The following TRMT1 variants were observed in gnomAD, a reference collection of about 807,000 sequenced individuals.
TRMT1 encodes tRNA (guanine(26)-N(2))-dimethyltransferase.
In TRMT1, 63 loss-of-function variants were observed where a neutral mutation model predicts 75.4. The observed-to-expected ratio is 0.84, with a 90% CI of 0.68 to 1.03. The LOEUF is 1.03. TRMT1 is among the 50% of genes least tolerant of loss of function. The probability of loss-of-function intolerance (pLI) is 0.00; values close to 1 mark genes in which losing one functional copy is unlikely to be tolerated. For missense variants in TRMT1, 870 were observed against 905.3 expected (o/e 0.96, Z 0.50); for synonymous variants, 382 against 358.1 (o/e 1.07, Z -0.75).
intron 7 of TRMT1, among the ~76,000 whole-genome samples, chr19:13,112,285 G>A (rs915722367): frequency 2.0e-5 from 3 of 152,050 alleles, no homozygotes; most frequent in East Asian, 1.9e-4. Flanking sequence ...CACTGCGCCC[G>A]GCCTTCAGAC....
chr19:13,109,703 C>T lies in TRMT1; in HGVS notation c.1177-19G>A, dbSNP rs372988767. 1.9e-6 allele frequency: 3 copies of T among 1,613,944 alleles called. No homozygotes were observed. Among genetic ancestry groups the T allele is most frequent in the East Asian group, 2.2e-5 (1 of 44,876 alleles). On this transcript the variant is annotated intron_variant, in intron 10 of 16. Coordinates refer to ENST00000357720, the MANE Select transcript of TRMT1 (RefSeq NM_001136035.4). ...CACCAAGCTGGGGGCGCACCGGGGA[C>T]AGGTGAGCAGGGACTATGACCTTCA...
chr19:13,108,544 C>T (rs1180681998), intron 12 of TRMT1, among the ~76,000 whole-genome samples: 1 of 152,162 alleles, frequency 6.6e-6, no homozygotes, highest in Admixed American at 6.6e-5. Flanking sequence ...TCGCCCGCCT[C>T]AGCCTCCCAA....
In TRMT1 at chr19:13,116,608, G is replaced by C. The variant is rs1416032150; in HGVS notation, c.-33+45C>G. On this transcript the variant is annotated intron_variant, in intron 1 of 16. Transcript: ENST00000357720. Reference sequence around the variant, plus strand: ...GGAGCCGATGCCCTCGTGCAGGCCCGCCCCGAGTCCGAATCCCTCCCCGCG... The same window carrying C: ...GGAGCCGATGCCCTCGTGCAGGCCCCCCCCGAGTCCGAATCCCTCCCCGCG... The C allele has an allele frequency of 7.3e-6, 5 of 688,436 alleles. No individual in the cohort carries two copies. In the East Asian group the frequency reaches 1.4e-4, roughly 19 times the overall value. 42.6% of individuals were successfully genotyped at this position (688,436 alleles called of 1,614,324 possible).
chr19:13,107,980 C>CTT, intron 12 of TRMT1, 121 bp from the exon 13 acceptor site: 2 of 467,836 alleles, frequency 4.3e-6, no homozygotes, highest in South Asian at 3.0e-5. Context: ...CATTTCTTTT[C>CTT]TTTTCTTTTT....
At chr19:13,110,041 C>T (rs1224049960) in intron 8 of TRMT1, 40 bp from the exon 9 acceptor site, 1 of 1,612,364 alleles carries the variant, frequency 6.2e-7, no homozygotes. Context: ...CCAGCGTGAC[C>T]ACGACACCCC....
chr19:13,110,547 G>C (rs2019102244), intron 7 of TRMT1, among the ~76,000 whole-genome samples: 1 of 152,260 alleles, frequency 6.6e-6, no homozygotes, highest in Admixed American at 6.5e-5. Context: ...AAACGAGTGA[G>C]GAAAGCATAG....
chr19:13,115,720 G>C lies in TRMT1; in HGVS notation c.359C>G (p.Ser120Ter), dbSNP rs1013306501. 6.2e-7 allele frequency: 1 copy of C among 1,613,902 alleles called. No individual in the cohort carries two copies. The highest frequency in any genetic ancestry group is 8.5e-7 in the Non-Finnish European group (1 of 1,180,014). ...TTCAACCTTTTCCTCCTCTTGCTCT[G>C]ACAAGTCCACGACCACTTTTTGCGT... is the stretch of plus-strand genomic sequence containing the variant. ...KDTQKVVVDLSEQEEEKVELK... is the reference protein window; with the variant it reads ...KDTQKVVVDL The change falls in exon 4 of 17, where the codon TCA (serine) becomes TGA (stop). Residue 120 changes from serine (S) to a stop codon, truncating the protein, a stop_gained. Transcript: ENST00000357720. LOFTEE classifies it high-confidence loss of function.
At chr19:13,105,645 CTG>C in intron 14 of TRMT1, 39 bp from the exon 15 acceptor site, 2 of 1,582,112 alleles carry the variant, frequency 1.3e-6, no homozygotes, top group Non-Finnish European at 1.7e-6. Context: ...CTGGGGGAAG[CTG>C]CCACACGAGT....
chr19:13,106,481 A>G (rs982749024), intron 14 of TRMT1, among the ~76,000 whole-genome samples: 2 of 151,054 alleles, frequency 1.3e-5, no homozygotes, highest in African/African-American at 4.9e-5. Flanking sequence ...GGTAATGCTA[A>G]TTTTCTTTTC....
At chr19:13,112,634 T>G in intron 7 of TRMT1, 71 bp downstream of exon 7, 1 of 1,439,796 alleles carries the variant, frequency 6.9e-7, no homozygotes, top group Non-Finnish European at 9.6e-7. Context: ...AGGGGGAAAG[T>G]GTATTGGGAA....
At chr19:13,113,476 A>G (rs1290459824) in intron 5 of TRMT1, among the ~76,000 whole-genome samples, 8 of 151,818 alleles carry the variant, frequency 5.3e-5, no homozygotes, top group Admixed American at 2.6e-4. Context: ...GTCATTTATT[A>G]AACTGCACAA....
At position 13,107,606 on chromosome 19, in the gene TRMT1, G is replaced by C; in HGVS notation, c.1551C>G (p.Ser517Arg). 2 of 1,608,598 alleles carry C rather than the reference G, an allele frequency of 1.2e-6. No homozygotes were observed. The highest frequency in any genetic ancestry group is 1.7e-6 in the Non-Finnish European group (2 of 1,177,112). ...CCACACTGAGAATGCGGAACGCTGG[G>C]CTAGTCTCTGATAGTCGCTCCCGTT... ...PVKRERLSET[S>R]PAFRILSVEP... The change falls in exon 14 of 17, where the codon AGC becomes AGG. Residue 517 changes from serine (S) to arginine (R), a missense_variant. Transcript: ENST00000357720.
At chr19:13,115,240 G>A in intron 5 of TRMT1, 39 bp downstream of exon 5, 1 of 1,571,370 alleles carries the variant, frequency 6.4e-7, no homozygotes, top group Non-Finnish European at 8.6e-7. Context: ...ACCCCAGGCA[G>A]GCTTGTCCCA....
Position 13,105,298 on chromosome 19 carries a change from A to G in TRMT1, c.1802T>C (p.Leu601Pro). Residue 601 changes from leucine to proline, a missense_variant, in exon 16 of 17, where the codon CTC (leucine) becomes CCC (proline). Physicochemically the swap from Leu to Pro is moderately conservative, Grantham distance 98. Coordinates refer to ENST00000357720, the MANE Select transcript of TRMT1 (RefSeq NM_001136035.4). ...AAACCTCTTGCAAGGAAATGTCTTG[A>G]GCCGGGCAGCCCGCTGGGCCACATC... Reference protein sequence around the residue: ...PEDVAQRAARLKTFPCKRFKE... With the variant: ...PEDVAQRAARPKTFPCKRFKE... 3.1e-6 allele frequency: 5 copies of G among 1,613,952 alleles called. No individual in the cohort carries two copies. Among genetic ancestry groups the G allele is most frequent in the Non-Finnish European group, 4.2e-6 (5 of 1,179,994 alleles).
intron 14 of TRMT1, among the ~76,000 whole-genome samples, chr19:13,106,473 T>C (rs2018874190): frequency 6.6e-6 from 1 of 151,892 alleles, no homozygotes; most frequent in African/African-American, 2.4e-5. Context: ...GGTATGCTGG[T>C]AATGCTAATT....
rs2019033927 is a variant in TRMT1, at chr19:13,109,447, A to G, written c.1331T>C (p.Leu444Pro). 1.2e-6 allele frequency: 2 copies of G among 1,613,742 alleles called. No individual in the cohort carries two copies. The highest frequency in any genetic ancestry group is 2.2e-5 in the East Asian group (1 of 44,870). Residue 444 changes from leucine (L) to proline (P), a missense_variant, in exon 12 of 17, where the codon CTG becomes CCG. By Grantham distance (98) the Leu-to-Pro change is moderately conservative. Coordinates refer to ENST00000357720, the MANE Select transcript of TRMT1 (RefSeq NM_001136035.4). ...VITEELPDVPLYYTLDQLSST... is the reference protein window; with the variant it reads ...VITEELPDVPPYYTLDQLSST... ...GCTCAGCTGGTCCAGGGTGTAGTACAGAGGCACGTCCGGGAGCTCCTGCGA... is the reference window on the plus strand; with the variant it reads ...GCTCAGCTGGTCCAGGGTGTAGTACGGAGGCACGTCCGGGAGCTCCTGCGA...
Position 13,112,726 on chromosome 19 carries a change from C to T in TRMT1, c.849G>A (p.Lys283=). 1 of 1,612,826 alleles carries T rather than the reference C, an allele frequency of 6.2e-7. No individual in the cohort carries two copies. Among genetic ancestry groups the T allele is most frequent in the Non-Finnish European group, 8.5e-7 (1 of 1,179,964 alleles). ...CYSKYGAMAL[K]SRACHEMALR... ...TCACCATCTCGTGGCAGGCCCGGCT[C>T]TTGAGGGCCATGGCCCCGTACTTGC... is the stretch of plus-strand genomic sequence containing the variant. Residue 283 remains lysine (K), a synonymous_variant, in exon 7 of 17, where the codon AAG becomes AAA. Coordinates refer to ENST00000357720, the MANE Select transcript of TRMT1 (RefSeq NM_001136035.4).
chr19:13,105,433 C>T (rs2018816873), intron 15 of TRMT1, 37 bp from the exon 16 acceptor site: 2 of 1,613,808 alleles, frequency 1.2e-6, no homozygotes, highest in Non-Finnish European at 1.7e-6. Flanking sequence ...CCCCATCTGC[C>T]CTTTACCCCT....
intron 12 of TRMT1, 21 bp downstream of exon 12, chr19:13,109,360 C>T (rs753797035): frequency 2.0e-5 from 33 of 1,611,900 alleles, no homozygotes; most frequent in East Asian, 4.5e-5. Flanking sequence ...ACAGGCTCCT[C>T]CCGACCCCAG....
Sources: gnomAD v4.1 joint callset for allele counts (sites outside exome capture counted in the v4.1 genomes callset) on GRCh38, gnomAD v4.1.1 for gene constraint, MANE v1.5 for transcripts, NCBI Gene and HGNC (gene_info 2026-07-23, HGNC 2026-07-21) for gene names.